The following RPH3A variants were observed in gnomAD, a reference collection of about 807,000 sequenced individuals.
RPH3A encodes the protein rabphilin-3A.
Under a neutral mutation model 102.2 loss-of-function variants are expected in RPH3A, and 48 were observed. That is an observed-to-expected ratio of 0.47 (90% CI 0.37 to 0.60). The LOEUF (loss-of-function observed/expected upper bound fraction) is 0.60, where lower values mean the gene tolerates loss of function less well. RPH3A is among the 20% of genes least tolerant of loss of function. The probability of loss-of-function intolerance (pLI) is 0.00; values close to 1 mark genes in which losing one functional copy is unlikely to be tolerated. For missense variants in RPH3A, 781 were observed against 910.1 expected, an observed-to-expected ratio of 0.86 and a Z score of 1.83; for synonymous variants, 310 against 324.3, an observed-to-expected ratio of 0.96 and a Z score of 0.47.
chr12:112,733,659 A>G (rs994636490), intron 1 of RPH3A, among the ~76,000 whole-genome samples: 2 of 152,240 alleles, frequency 1.3e-5, no homozygotes, highest in African/African-American at 4.8e-5. Context: ...ATGCTGCAGC[A>G]GATCCCGAAG....
chr12:112,716,476 A>G (rs1001066261), intron 1 of RPH3A, among the ~76,000 whole-genome samples: 8 of 152,218 alleles, frequency 5.3e-5, no homozygotes, highest in African/African-American at 1.9e-4. Flanking sequence ...TTCTCATGTA[A>G]TAGTCTCTAG....
intron 1 of RPH3A, among the ~76,000 whole-genome samples, chr12:112,627,950 G>A (rs935631172): frequency 3.4e-5 from 5 of 149,016 alleles, no homozygotes; most frequent in Non-Finnish European, 7.4e-5. Flanking sequence ...AGGGGAAGAA[G>A]GAATGTCTTA....
chr12:112,839,786 G>A (rs753006982), intron 4 of RPH3A, among the ~76,000 whole-genome samples: 1 of 152,154 alleles, frequency 6.6e-6, no homozygotes, highest in Non-Finnish European at 1.5e-5. Context: ...TCAGGAATTC[G>A]AGACCAGCCT....
chr12:112,712,798 A>G (rs1294082017), intron 1 of RPH3A, among the ~76,000 whole-genome samples: 1 of 151,596 alleles, frequency 6.6e-6, no homozygotes, highest in Non-Finnish European at 1.5e-5. Context: ...GGCAGCCTCA[A>G]ACTCCTGGGC....
intron 1 of RPH3A, among the ~76,000 whole-genome samples, chr12:112,669,022 A>C (rs2040106801): frequency 1.3e-5 from 2 of 152,158 alleles, no homozygotes; most frequent in South Asian, 2.1e-4. Context: ...TCTTTCTTCT[A>C]TTTCAATTCC....
intron 2 of RPH3A, among the ~76,000 whole-genome samples, chr12:112,818,724 A>G (rs562559048): frequency 6.6e-6 from 1 of 152,144 alleles, no homozygotes. Flanking sequence ...ACACAGATTG[A>G]TACTGAGAGA....
intron 1 of RPH3A, among the ~76,000 whole-genome samples, chr12:112,692,802 G>A (rs1452816137): frequency 6.6e-6 from 1 of 152,136 alleles, no homozygotes; most frequent in East Asian, 1.9e-4. Flanking sequence ...TTCAGTCTGG[G>A]CCACTGTGCT....
intron 1 of RPH3A, among the ~76,000 whole-genome samples, chr12:112,598,378 A>G (rs1428720344): frequency 6.6e-6 from 1 of 152,216 alleles, no homozygotes; most frequent in Non-Finnish European, 1.5e-5. Context: ...TGTGGGCTAT[A>G]GCTTCCTGAA....
intron 1 of RPH3A, among the ~76,000 whole-genome samples, chr12:112,768,322 T>C (rs909229322): frequency 6.6e-6 from 1 of 152,172 alleles, no homozygotes; most frequent in Admixed American, 6.5e-5. Context: ...ATGGCTTCCA[T>C]CTTGGAGTAA....
chr12:112,718,250 C>T (rs1438882102), intron 1 of RPH3A, among the ~76,000 whole-genome samples: 4 of 152,162 alleles, frequency 2.6e-5, no homozygotes, highest in African/African-American at 9.7e-5. Context: ...CCTATTCAAA[C>T]CAAACCATTA....
intron 1 of RPH3A, among the ~76,000 whole-genome samples, chr12:112,768,143 T>A (rs2040903912): frequency 1.3e-5 from 2 of 152,244 alleles, no homozygotes; most frequent in African/African-American, 4.8e-5. Flanking sequence ...AAAATAGAAA[T>A]AAAAGATATG....
At chr12:112,727,010 C>T (rs2040595478) in intron 1 of RPH3A, among the ~76,000 whole-genome samples, 1 of 151,270 alleles carries the variant, frequency 6.6e-6, no homozygotes, top group African/African-American at 2.4e-5. Context: ...GCGACAGAGC[C>T]AGACTCCATC....
rs908202615 is a variant in RPH3A at position 112,883,273 on chromosome 12, C to T, written c.1327-20C>T. ...TCCCCACTGAGGTAGGTGTCTCTGT[C>T]CATCTCTCTCGGGCTCTAGTCCAAC... On this transcript the variant is annotated intron_variant, in intron 15 of 21. Transcript: ENST00000389385. 3 of 1,598,230 alleles carry T rather than the reference C, an allele frequency of 1.9e-6. No homozygotes were observed. The highest frequency in any genetic ancestry group is 2.7e-5 in the African/African-American group (2 of 74,632).
chr12:112,750,779 T>C (rs2040781104), intron 1 of RPH3A, among the ~76,000 whole-genome samples: 1 of 152,180 alleles, frequency 6.6e-6, no homozygotes, highest in Admixed American at 6.5e-5. Context: ...GTTATAATTC[T>C]ACCCCTGGCC....
At chr12:112,812,727 C>T (rs967952829) in intron 2 of RPH3A, among the ~76,000 whole-genome samples, 5 of 152,074 alleles carry the variant, frequency 3.3e-5, no homozygotes, top group African/African-American at 1.2e-4. Flanking sequence ...CACACAAAAC[C>T]CCTTTGTATA....
intron 1 of RPH3A, among the ~76,000 whole-genome samples, chr12:112,617,570 C>T (rs965116492): frequency 2.0e-5 from 3 of 152,244 alleles, no homozygotes; most frequent in Admixed American, 1.3e-4. Flanking sequence ...CCATGGCTCC[C>T]AGAACAGTGA....
chr12:112,765,246 T>TTG (rs34294777), intron 1 of RPH3A, among the ~76,000 whole-genome samples: 15,035 of 141,614 alleles, frequency 0.11, 731 homozygotes, highest in Middle Eastern at 0.15. Flanking sequence ...GTCATGGTGA[T>TTG]TGTGTGTGTG....
chr12:112,820,737 A>G lies in RPH3A; in HGVS notation c.-18-7564A>G, dbSNP rs1229547442. ...CCATGCAGCTTGTAAGTGGCAGAGC[A>G]GTGGAGGATGAACTCTGTGCCTACT... On this transcript the variant is annotated intron_variant, in intron 2 of 21. Transcript: ENST00000389385. 3.3e-5 allele frequency among the ~76,000 whole-genome samples: 5 copies of G among 152,216 alleles called. No homozygotes were observed. In the South Asian group the frequency reaches 8.3e-4, roughly 25 times the overall value.
intron 1 of RPH3A, among the ~76,000 whole-genome samples, chr12:112,766,375 G>C (rs1004767506): frequency 6.6e-6 from 1 of 152,178 alleles, no homozygotes; most frequent in Non-Finnish European, 1.5e-5. Context: ...CTCAAGAAAG[G>C]CTAGTGATTA....
Sources: gnomAD v4.1 joint callset for allele counts (sites outside exome capture counted in the v4.1 genomes callset) on GRCh38, gnomAD v4.1.1 for gene constraint, MANE v1.5 for transcripts, NCBI Gene and HGNC (gene_info 2026-07-23, HGNC 2026-07-21) for gene names.